The following VAC14 variants were observed in gnomAD, a reference collection of about 807,000 sequenced individuals.
The protein encoded by VAC14 is VAC14 component of PIKFYVE complex.
Under a neutral mutation model 85.3 loss-of-function variants are expected in VAC14, and 47 were observed. That is an observed-to-expected ratio of 0.55 (90% confidence interval 0.44 to 0.70). VAC14 has a LOEUF of 0.70. VAC14 is among the 30% of genes least tolerant of loss of function. The pLI is 0.00. For synonymous variants in VAC14, 447 were observed against 430.5 expected, an observed-to-expected ratio of 1.04 and a Z score of -0.47; for missense variants, 861 against 1,004.3, an observed-to-expected ratio of 0.86 and a Z score of 1.93.
chr16:70,748,513 C>CCATTCATGG (rs1348255548), intron 12 of VAC14, among the ~76,000 whole-genome samples: 1 of 152,194 alleles, frequency 6.6e-6, no homozygotes, highest in Non-Finnish European at 1.5e-5. Context: ...CTAGCATAAG[C>CCATTCATGG]CATTCATGGA....
chr16:70,723,675 G>A (rs1268167483), intron 14 of VAC14, among the ~76,000 whole-genome samples: 1 of 152,204 alleles, frequency 6.6e-6, no homozygotes, highest in Non-Finnish European at 1.5e-5. Flanking sequence ...CTCAGCCCCT[G>A]AAAACTGTTC....
At chr16:70,779,810 A>C (rs2033716237) in intron 9 of VAC14, among the ~76,000 whole-genome samples, 1 of 152,128 alleles carries the variant, frequency 6.6e-6, no homozygotes, top group South Asian at 2.1e-4. Flanking sequence ...CAAATTCCAG[A>C]TGCCAGTCGG....
intron 18 of VAC14, chr16:70,689,512 A>T: frequency 1.0e-6 from 1 of 984,898 alleles, no homozygotes; most frequent in Non-Finnish European, 1.2e-6. Flanking sequence ...GGGCAGGGGG[A>T]CTCTTCCCAC....
chr16:70,798,434 A>G (rs2034636974), intron 1 of VAC14, among the ~76,000 whole-genome samples: 2 of 152,238 alleles, frequency 1.3e-5, no homozygotes, highest in Non-Finnish European at 2.9e-5. Flanking sequence ...ATATATTAAA[A>G]CATACAATAT....
At chr16:70,755,959 C>T (rs1046643715) in intron 12 of VAC14, 1 of 455,198 alleles carries the variant, frequency 2.2e-6, no homozygotes, top group African/African-American at 2.0e-5. Flanking sequence ...GGGCTTCCCC[C>T]AGGTGGGACC....
chr16:70,704,467 T>TG (rs987247600), intron 14 of VAC14, among the ~76,000 whole-genome samples: 2 of 152,212 alleles, frequency 1.3e-5, no homozygotes, highest in East Asian at 3.9e-4. Flanking sequence ...CAAGACTTCC[T>TG]GGGGGCTTTA....
At chr16:70,763,579 T>C (rs1053332637) in intron 10 of VAC14, among the ~76,000 whole-genome samples, 4 of 152,218 alleles carry the variant, frequency 2.6e-5, no homozygotes, top group African/African-American at 9.6e-5. Context: ...TCGAGGCTTG[T>C]CATTGTGCCT....
At chr16:70,740,763 G>A (rs1007110454) in intron 13 of VAC14, among the ~76,000 whole-genome samples, 9 of 152,200 alleles carry the variant, frequency 5.9e-5, no homozygotes, top group Non-Finnish European at 1.0e-4. Flanking sequence ...CTCTCTCCCC[G>A]ATTCTGCGGC....
intron 12 of VAC14, among the ~76,000 whole-genome samples, chr16:70,749,740 C>T (rs543420434): frequency 7.9e-5 from 12 of 152,330 alleles, no homozygotes; most frequent in East Asian, 7.7e-4. Flanking sequence ...GGCTGATACC[C>T]GGCTTCTGTG....
At chr16:70,767,154 C>T (rs923707417) in intron 10 of VAC14, among the ~76,000 whole-genome samples, 5 of 152,170 alleles carry the variant, frequency 3.3e-5, no homozygotes, top group African/African-American at 1.2e-4. Context: ...CTTACACATA[C>T]GCGTACTACA....
chr16:70,800,948 G>C lies in VAC14; in HGVS notation c.-48C>G, dbSNP rs1450713551. 7.0e-7 allele frequency: 1 copy of C among 1,427,548 alleles called. No homozygotes were observed. The highest frequency in any genetic ancestry group is 9.4e-7 in the Non-Finnish European group (1 of 1,060,758). The allele number at this position is 1,427,548 out of a possible 1,614,324, so 88.4% of individuals were successfully genotyped here. A position where few individuals can be genotyped will look rare whatever the true frequency, so the allele number is the denominator to read the frequency against. ...CGACTCCTTAGCCCGCGGCTGCCGG[G>C]GCCGCGCCGGGGCCAGGGGAGTCTG... On this transcript the variant is annotated 5_prime_UTR_variant, in exon 1 of 19. Coordinates refer to ENST00000261776, the MANE Select transcript of VAC14 (RefSeq NM_018052.5).
chr16:70,725,462 A>G (rs1258881590), intron 14 of VAC14, among the ~76,000 whole-genome samples: 4 of 152,220 alleles, frequency 2.6e-5, no homozygotes, highest in African/African-American at 9.6e-5. Flanking sequence ...AGGCCCCACA[A>G]TTAAAAACAA....
chr16:70,747,027 T>C (rs999085492), intron 12 of VAC14: 9 of 152,140 alleles, frequency 5.9e-5, no homozygotes, highest in African/African-American at 1.2e-4. Context: ...ATCAAACTTA[T>C]ATATAAATGC....
At chr16:70,713,257 C>T (rs780497988) in intron 14 of VAC14, among the ~76,000 whole-genome samples, 2 of 152,180 alleles carry the variant, frequency 1.3e-5, no homozygotes, top group African/African-American at 2.4e-5. Flanking sequence ...TCAATGGAGA[C>T]GAAGCCCCCA....
intron 10 of VAC14, 55 bp from the exon 11 acceptor site, chr16:70,763,080 C>T: frequency 6.2e-7 from 1 of 1,608,270 alleles, no homozygotes; most frequent in Non-Finnish European, 8.5e-7. Context: ...AGCCCTCTCC[C>T]ATGGAGTCAT....
At chr16:70,755,276 TG>T in intron 12 of VAC14, 1 of 298,166 alleles carries the variant, frequency 3.4e-6, no homozygotes, top group Non-Finnish European at 6.8e-6. Context: ...GGACAGCCCA[TG>T]GGGCCTGGGA....
chr16:70,691,030 G>A (rs998669891), intron 18 of VAC14: 7 of 985,294 alleles, frequency 7.1e-6, no homozygotes, highest in Non-Finnish European at 8.4e-6. Context: ...CCTACTCTAG[G>A]CCTGCAAAGC....
At chr16:70,760,662 C>G (rs2143042490) in intron 12 of VAC14, among the ~76,000 whole-genome samples, 1 of 152,290 alleles carries the variant, frequency 6.6e-6, no homozygotes, top group Middle Eastern at 3.4e-3. Flanking sequence ...TCCACAGCCA[C>G]AGCCTGAACA....
intron 7 of VAC14, 140 bp from the exon 8 acceptor site, chr16:70,782,143 CT>C: frequency 8.3e-7 from 1 of 1,210,242 alleles, no homozygotes. Context: ...CAATGCTCTA[CT>C]ACCTGTGTGC....
Sources: allele counts gnomAD v4.1 joint callset (sites outside exome capture counted in the v4.1 genomes callset), GRCh38; gene constraint gnomAD v4.1.1; transcripts MANE v1.5; gene names NCBI Gene and HGNC (gene_info 2026-07-23, HGNC 2026-07-21).